The following DOP1A variants were observed in gnomAD, a reference collection of about 807,000 sequenced individuals.
DOP1A encodes DOP1 leucine zipper like protein A.
In DOP1A, 90 loss-of-function variants were observed where a neutral mutation model predicts 267.6. The observed-to-expected ratio is 0.34, with a 90% CI of 0.28 to 0.40. The LOEUF (loss-of-function observed/expected upper bound fraction) is 0.40, where lower values mean the gene tolerates loss of function less well. DOP1A is among the 10% of genes least tolerant of loss of function. DOP1A has a pLI of 1.00. For synonymous variants in DOP1A, 932 were observed against 999.1 expected (o/e 0.93, Z 1.27); for missense variants, 2,437 against 2,900.4 (o/e 0.84, Z 3.67).
Position 83,137,248 on chromosome 6 carries a change from G to C in DOP1A, c.3206G>C (p.Ser1069Thr). 1 of 1,611,888 alleles carries C rather than the reference G, an allele frequency of 6.2e-7. No individual in the cohort carries two copies. Residue 1069 changes from serine (S) to threonine (T), a missense_variant, in exon 21 of 39, where the codon AGT (serine) becomes ACT (threonine). By Grantham distance (58) the Ser-to-Thr change is moderately conservative. This residue lies in a region of DOP1A where 878 missense variants were observed against 992.9 expected (regional missense o/e 0.88). Coordinates refer to ENST00000349129, the MANE Select transcript of DOP1A (RefSeq NM_015018.4). ...ACCATGGATGAAATAGAGAACTTTAGTCTCACTGTGAATCCATTAAGTGAC... is the reference window on the plus strand; with the variant it reads ...ACCATGGATGAAATAGAGAACTTTACTCTCACTGTGAATCCATTAAGTGAC... The part of the protein sequence containing the change: ...PLTMDEIENF[S>T]LTVNPLSDRL...
rs760475623 is a variant in DOP1A, at chr6:83,153,498, T to C, written c.6130-13T>C. ...ACCTCATATGTTACTCTTCATTTTTTATGTTTTCATAGGTTTTGGCTCATC... is the reference window on the plus strand; with the variant it reads ...ACCTCATATGTTACTCTTCATTTTTCATGTTTTCATAGGTTTTGGCTCATC... On this transcript the variant is annotated splice_polypyrimidine_tract_variant and intron_variant, in intron 30 of 38. Coordinates refer to ENST00000349129, the MANE Select transcript of DOP1A (RefSeq NM_015018.4). 2.3e-5 allele frequency: 36 copies of C among 1,558,618 alleles called. No individual in the cohort carries two copies. The South Asian group carries it at 3.1e-4, about 13-fold the overall frequency.
At chr6:83,124,321 T>C (rs910185000) in intron 12 of DOP1A, among the ~76,000 whole-genome samples, 7 of 151,982 alleles carry the variant, frequency 4.6e-5, no homozygotes, top group African/African-American at 1.4e-4. Context: ...GAAAATGAGA[T>C]TGGGGAGGAC....
Position 83,155,726 on chromosome 6 carries a change from A to G in DOP1A, c.6452-225A>G, listed in dbSNP as rs1360867360. 3.3e-5 allele frequency among the ~76,000 whole-genome samples: 5 copies of G among 152,330 alleles called. No individual in the cohort carries two copies. The East Asian group carries it at 5.8e-4, about 18-fold the overall frequency. ...AGTGGTTTTACCTTCTAAAACCTACAGTTCTAAATTTTCCTCTCCATCACA... is the reference window on the plus strand; with the variant it reads ...AGTGGTTTTACCTTCTAAAACCTACGGTTCTAAATTTTCCTCTCCATCACA... On this transcript the variant is annotated intron_variant, in intron 33 of 38. Coordinates refer to ENST00000349129, the MANE Select transcript of DOP1A (RefSeq NM_015018.4).
intron 6 of DOP1A, among the ~76,000 whole-genome samples, chr6:83,111,423 T>C (rs1213128190): frequency 6.6e-6 from 1 of 151,752 alleles, no homozygotes; most frequent in Non-Finnish European, 1.5e-5. Flanking sequence ...TTGGTAACTC[T>C]GTTGAACTTT....
intron 1 of DOP1A, among the ~76,000 whole-genome samples, chr6:83,073,949 C>T (rs1257231451): frequency 2.0e-5 from 3 of 152,144 alleles, no homozygotes; most frequent in Admixed American, 6.6e-5. Flanking sequence ...CCTTTTACTT[C>T]TGCAGTGTTA....
intron 17 of DOP1A, 63 bp downstream of exon 17, chr6:83,130,460 G>C: frequency 2.0e-6 from 3 of 1,530,918 alleles, no homozygotes; most frequent in Non-Finnish European, 2.6e-6. Flanking sequence ...ACTTGACCTA[G>C]TTTGCTTTAA....
chr6:83,094,604 T>C (rs1234936545), intron 1 of DOP1A, among the ~76,000 whole-genome samples: 1 of 152,240 alleles, frequency 6.6e-6, no homozygotes, highest in Non-Finnish European at 1.5e-5. Flanking sequence ...CATGAAATAT[T>C]GTGGTTTTGA....
At chr6:83,077,174 T>G (rs912458558) in intron 1 of DOP1A, among the ~76,000 whole-genome samples, 2 of 151,000 alleles carry the variant, frequency 1.3e-5, no homozygotes, top group Non-Finnish European at 2.9e-5. Context: ...GTGAATGTAC[T>G]TAACACTACT....
intron 1 of DOP1A, among the ~76,000 whole-genome samples, chr6:83,077,255 A>G (rs931388034): frequency 9.2e-5 from 14 of 152,184 alleles, no homozygotes; most frequent in African/African-American, 3.4e-4. Context: ...TAATCCCAAC[A>G]CTTTGGAAGG....
chr6:83,110,171 G>T lies in DOP1A; in HGVS notation c.538G>T (p.Ala180Ser). 3.1e-6 allele frequency: 5 copies of T among 1,613,168 alleles called. No individual in the cohort carries two copies. The highest frequency in any genetic ancestry group is 4.2e-6 in the Non-Finnish European group (5 of 1,179,508). Residue 180 changes from alanine to serine, a missense_variant, in exon 6 of 39, where the codon GCA (alanine) becomes TCA (serine). Physicochemically the swap from Ala to Ser is moderately conservative, Grantham distance 99. Around this residue, in one of 9 missense-constraint regions of DOP1A, gnomAD observed 251 missense variants for 359.1 expected, o/e 0.70. Transcript: ENST00000349129. Reference protein sequence around the residue: ...EKVAAAVDQSAFYSALWGSLL... With the variant: ...EKVAAAVDQSSFYSALWGSLL... The stretch of plus-strand genomic sequence containing the variant: ...GGTTGCTGCTGCTGTGGACCAGTCA[G>T]CATTCTACAGTGCCCTGTGGGGTAG...
At chr6:83,110,351 T>C (rs1160496602) in intron 6 of DOP1A, 37 bp downstream of exon 6, 1 of 1,591,596 alleles carries the variant, frequency 6.3e-7, no homozygotes, top group Non-Finnish European at 8.6e-7. Flanking sequence ...TTCACAAATA[T>C]TTCTTTAGAG....
intron 19 of DOP1A, among the ~76,000 whole-genome samples, chr6:83,134,818 TTTAGGTGGATTCATATATTGTCA>T (rs1168234013): frequency 6.6e-6 from 1 of 152,092 alleles, no homozygotes; most frequent in Non-Finnish European, 1.5e-5. Flanking sequence ...AGCTGCCATT[TTTAGGTGGATTCATATATTGTCA>T]TAAGGTAGTC....
At chr6:83,068,211 T>C (rs1173019497) in intron 1 of DOP1A, among the ~76,000 whole-genome samples, 2 of 152,168 alleles carry the variant, frequency 1.3e-5, no homozygotes. Flanking sequence ...CCTTCTCGGC[T>C]GGTGGGTTCT....
Position 83,113,438 on chromosome 6 carries a change from G to C in DOP1A, c.780+17G>C, listed in dbSNP as rs369575002. ...ATGAGTCAGGTAAAATATTAACGCC[G>C]ATGTTATTATAAGGCATTCTTGGAA... On this transcript the variant is annotated intron_variant, in intron 7 of 38. Coordinates refer to ENST00000349129, the MANE Select transcript of DOP1A (RefSeq NM_015018.4). The C allele has an allele frequency of 1.3e-6, 2 of 1,596,234 alleles. No homozygotes were observed. Among genetic ancestry groups the C allele is most frequent in the East Asian group, 2.2e-5 (1 of 44,722 alleles).
intron 38 of DOP1A, 85 bp from the exon 39 acceptor site, chr6:83,167,777 T>C (rs495944): frequency 0.23 from 341,363 of 1,456,842 alleles, 40,747 homozygotes; most frequent in Non-Finnish European, 0.24. Context: ...TCTTGACCAA[T>C]TGCCAAAGTT....
chr6:83,102,116 A>G (rs897965120), intron 4 of DOP1A, among the ~76,000 whole-genome samples: 11 of 152,324 alleles, frequency 7.2e-5, no homozygotes, highest in Non-Finnish European at 1.2e-4. Context: ...AAAGGCAACT[A>G]AAGTTCAACC....
rs750620978 is a variant in DOP1A, at chr6:83,129,259, T to A, written c.2092T>A (p.Ser698Thr). 9 of 1,612,932 alleles carry A rather than the reference T, an allele frequency of 5.6e-6. No individual in the cohort carries two copies. The highest frequency in any genetic ancestry group is 4.2e-6 in the Non-Finnish European group (5 of 1,179,552). The change falls in exon 16 of 39, where the codon TCT becomes ACT. Residue 698 changes from serine to threonine, a missense_variant. By Grantham distance (58) the Ser-to-Thr change is moderately conservative (BLOSUM62 1). This residue lies in a region of DOP1A where 498 missense variants were observed against 513.5 expected (regional missense o/e 0.97). Coordinates refer to ENST00000349129, the MANE Select transcript of DOP1A (RefSeq NM_015018.4). ...CAACCTCTACATCATTCAGAATAACTCTTTTTCTCAGTCTTTGGCTACAGA... is the reference window on the plus strand; with the variant it reads ...CAACCTCTACATCATTCAGAATAACACTTTTTCTCAGTCTTTGGCTACAGA... Reference protein sequence around the residue: ...LINLYIIQNNSFSQSLATEHQ... With the variant: ...LINLYIIQNNTFSQSLATEHQ...
At position 83,109,224 on chromosome 6, in the gene DOP1A, A is replaced by G. The variant is rs1022235552; in HGVS notation, c.491+144A>G. On this transcript the variant is annotated intron_variant, in intron 5 of 38. Transcript: ENST00000349129. ...ATGAATATTTCTATAGCAATGAAAC[A>G]TTATTATAGTTTATCTAGTCTATGT... 8 of 709,364 alleles carry G rather than the reference A, an allele frequency of 1.1e-5. No homozygotes were observed. The Admixed American group carries it at 1.8e-4, about 16-fold the overall frequency. The allele number at this position is 709,364 out of a possible 1,614,324, so 43.9% of individuals were successfully genotyped here.
intron 4 of DOP1A, among the ~76,000 whole-genome samples, chr6:83,105,310 G>C (rs754088206): frequency 6.8e-6 from 1 of 146,410 alleles, no homozygotes; most frequent in Non-Finnish European, 1.5e-5. Context: ...TTAAAGAGAA[G>C]TGAGCAAGGA....
Sources: allele counts gnomAD v4.1 joint callset (sites outside exome capture counted in the v4.1 genomes callset), GRCh38; gene constraint gnomAD v4.1.1; regional missense constraint gnomAD v4.1.1; transcripts MANE v1.5; gene names NCBI Gene and HGNC (gene_info 2026-07-23, HGNC 2026-07-21).